Variants in EPOR observed in about 807,000 individuals in gnomAD.
The protein encoded by EPOR is erythropoietin receptor.
In EPOR, 20 loss-of-function variants were observed where a neutral mutation model predicts 34.3. The ratio of observed to expected loss-of-function variants is 0.58; its 90% CI spans 0.41 to 0.85. The LOEUF (loss-of-function observed/expected upper bound fraction) is 0.85. Among genes scored for constraint, EPOR ranks in the 40% least tolerant of loss-of-function variants. The pLI is 0.00. For synonymous variants in EPOR, 312 were observed against 299.0 expected (o/e 1.04, Z -0.45); for missense variants, 601 against 672.7 (o/e 0.89, Z 1.18).
At position 11,381,728 on chromosome 19, in the gene EPOR, G is replaced by T. The variant is rs1417089817; in HGVS notation, c.549C>A (p.Asp183Glu). ...PMTSHIRYEV[D>E]VSAGNGAGSV... Reference sequence around the variant, plus strand: ...TCCCTGCGCCGTTGCCGGCCGAGACGTCCACCTCGTAGCGGATGTGAGACG... The same window carrying T: ...TCCCTGCGCCGTTGCCGGCCGAGACTTCCACCTCGTAGCGGATGTGAGACG... The change falls in exon 4 of 8, where the codon GAC becomes GAA. Residue 183 changes from aspartate to glutamate, a missense_variant. By Grantham distance (45) the Asp-to-Glu change is conservative (BLOSUM62 2). Coordinates refer to ENST00000222139, the MANE Select transcript of EPOR (RefSeq NM_000121.4). This position sits in a 1 kb window ranked among gnomAD's most constrained non-coding sequence, Gnocchi z 5.3. 6.2e-7 allele frequency: 1 copy of T among 1,611,994 alleles called. No individual in the cohort carries two copies. Among genetic ancestry groups the T allele is most frequent in the Non-Finnish European group, 8.5e-7 (1 of 1,179,332 alleles).
In EPOR at chr19:11,383,159, G is replaced by A. The variant is rs1394796517; in HGVS notation, c.189C>T (p.Phe63=). The A allele has an allele frequency of 3.1e-6, 5 of 1,613,288 alleles. No individual in the cohort carries two copies. The highest frequency in any genetic ancestry group is 4.2e-6 in the Non-Finnish European group (5 of 1,179,954). ...CCCCAGCGCTCGCCGCTTCCTCCCA[G>A]AAACACACCAAGTCCTCCAACCGCT... The part of the protein sequence containing the change: ...FTERLEDLVC[F]WEEAASAGVG... Residue 63 remains phenylalanine (F), a synonymous_variant, in exon 2 of 8, where the codon TTC becomes TTT. Coordinates refer to ENST00000222139, the MANE Select transcript of EPOR (RefSeq NM_000121.4). This position sits in a 1 kb window ranked among gnomAD's most constrained non-coding sequence, Gnocchi z 4.9.
At chr19:11,382,235 T>C (rs1410901787) in intron 2 of EPOR, 130 bp from the exon 3 acceptor site, 3 of 770,570 alleles carry the variant, frequency 3.9e-6, no homozygotes, top group Non-Finnish European at 6.3e-6. Context: ...AGGTGTTCCT[T>C]CGTCGCCCAG....
chr19:11,378,450 G>A lies in EPOR; in HGVS notation c.1061C>T (p.Pro354Leu), dbSNP rs776446483. ...CTCACTGCCCACTGGCTCCAGCAGG[G>A]GGCCCTCATCATCTGTCCCCGGCTC... ...AVEPGTDDEG[P>L]LLEPVGSEHA... The change falls in exon 8 of 8, where the codon CCC becomes CTC. Residue 354 changes from proline to leucine, a missense_variant. Physicochemically the swap from Pro to Leu is moderately conservative, Grantham distance 98. Coordinates refer to ENST00000222139, the MANE Select transcript of EPOR (RefSeq NM_000121.4). The surrounding 1 kb of genome is among the most constrained non-coding windows in gnomAD (Gnocchi z 5.3). 7 of 1,614,176 alleles carry A rather than the reference G, an allele frequency of 4.3e-6. No individual in the cohort carries two copies. In the South Asian group the frequency reaches 6.6e-5, roughly 15 times the overall value.
rs766231664 is a variant in EPOR at position 11,384,088 on chromosome 19, C to T, written c.115+5G>A. 105 of 1,541,514 alleles carry T rather than the reference C, an allele frequency of 6.8e-5. No individual in the cohort carries two copies. Among genetic ancestry groups the T allele is most frequent in the Non-Finnish European group, 8.3e-5 (94 of 1,138,208 alleles). ...CGTAGGGGTCCACACGCAGCTCATC[C>T]TTACCTTTGCTCTCGAACTTGGGGT... On this transcript the variant is annotated splice_donor_5th_base_variant and intron_variant, in intron 1 of 7. Coordinates refer to ENST00000222139, the MANE Select transcript of EPOR (RefSeq NM_000121.4).
At position 11,382,064 on chromosome 19, in the gene EPOR, G is replaced by A; in HGVS notation, c.293C>T (p.Thr98Met). ...CCAGAAGCGCACCGCACCACGAGCCGTGGGAGCCTGGTGCAGGCGACACAG... is the reference window on the plus strand; with the variant it reads ...CCAGAAGCGCACCGCACCACGAGCCATGGGAGCCTGGTGCAGGCGACACAG... Reference protein sequence around the residue: ...WKLCRLHQAPTARGAVRFWCS... With the variant: ...WKLCRLHQAPMARGAVRFWCS... Residue 98 changes from threonine (T) to methionine (M), a missense_variant, in exon 3 of 8, where the codon ACG (threonine) becomes ATG (methionine). By Grantham distance (81) the Thr-to-Met change is moderately conservative. Coordinates refer to ENST00000222139, the MANE Select transcript of EPOR (RefSeq NM_000121.4). 6.2e-7 allele frequency: 1 copy of A among 1,614,122 alleles called. No individual in the cohort carries two copies. Among genetic ancestry groups the A allele is most frequent in the Non-Finnish European group, 8.5e-7 (1 of 1,179,998 alleles).
rs374237735 is a variant in EPOR, at chr19:11,383,131, C to T, written c.217G>A (p.Gly73Ser). 8 of 1,613,568 alleles carry T rather than the reference C, an allele frequency of 5.0e-6. No homozygotes were observed. Among genetic ancestry groups the T allele is most frequent in the Non-Finnish European group, 6.8e-6 (8 of 1,179,952 alleles). ...FWEEAASAGV[G>S]PGNYSFSYQL... ...TAGGAGAAGCTGTAGTTGCCCGGGCCCACCCCAGCGCTCGCCGCTTCCTCC... is the reference window on the plus strand; with the variant it reads ...TAGGAGAAGCTGTAGTTGCCCGGGCTCACCCCAGCGCTCGCCGCTTCCTCC... The change falls in exon 2 of 8, where the codon GGC becomes AGC. Residue 73 changes from glycine to serine, a missense_variant. Transcript: ENST00000222139. The surrounding 1 kb of genome is among the most constrained non-coding windows in gnomAD (Gnocchi z 4.9).
rs1159122694 is a variant in EPOR at position 11,381,375 on chromosome 19, CAGAG to C, written c.586-170_586-167del. 16 of 780,064 alleles carry C rather than the reference CAGAG, an allele frequency of 2.1e-5. No homozygotes were observed. Among genetic ancestry groups the C allele is most frequent in the African/African-American group, 3.4e-5 (2 of 58,126 alleles). 48.3% of individuals were successfully genotyped at this position (780,064 alleles called of 1,614,324 possible). Reference sequence around the variant, plus strand: ...GAGCCCAAGAAAGCTCAGGGCCAATCAGAGAGAGAGTCTCTGGTACGAAAGGGCG... The same window carrying C: ...GAGCCCAAGAAAGCTCAGGGCCAATCAGAGAGTCTCTGGTACGAAAGGGCG... On this transcript the variant is annotated intron_variant, in intron 4 of 7. Coordinates refer to ENST00000222139, the MANE Select transcript of EPOR (RefSeq NM_000121.4). This position sits in a 1 kb window ranked among gnomAD's most constrained non-coding sequence, Gnocchi z 5.3.
At position 11,378,083 on chromosome 19, in the gene EPOR, G is replaced by A. The variant is rs141096553; in HGVS notation, c.1428C>T (p.Ala476=). ...TDYSSGDSQG[A]QGGLSDGPYS... ...AGGGGCCATCGGATAAGCCCCCTTG[G>A]GCTCCCTGGGAGTCCCCTGAGCTGT... is the stretch of plus-strand genomic sequence containing the variant. The change falls in exon 8 of 8, where the codon GCC becomes GCT. Residue 476 remains alanine, a synonymous_variant. Transcript: ENST00000222139. This position sits in a 1 kb window ranked among gnomAD's most constrained non-coding sequence, Gnocchi z 5.3. The A allele has an allele frequency of 2.8e-5, 45 of 1,613,882 alleles. No homozygotes were observed. The African/African-American group carries it at 5.7e-4, about 21-fold the overall frequency.
chr19:11,382,611 C>T (rs1368473958), intron 2 of EPOR, among the ~76,000 whole-genome samples: 1 of 152,184 alleles, frequency 6.6e-6, no homozygotes. Flanking sequence ...GATCCGCCCG[C>T]CTCAGCCTCC....
At position 11,378,557 on chromosome 19, in the gene EPOR, G is replaced by T. The variant is rs1343746653; in HGVS notation, c.954C>A (p.Ser318Arg). 1 of 1,614,058 alleles carries T rather than the reference G, an allele frequency of 6.2e-7. No homozygotes were observed. Residue 318 changes from serine to arginine, a missense_variant, in exon 8 of 8, where the codon AGC (serine) becomes AGA (arginine). Coordinates refer to ENST00000222139, the MANE Select transcript of EPOR (RefSeq NM_000121.4). The surrounding 1 kb of genome is among the most constrained non-coding windows in gnomAD (Gnocchi z 5.3). ...LYQNDGCLWW[S>R]PCTPFTEDPP... ...GGTCCTCCGTGAAGGGGGTGCAGGG[G>T]CTCCACCACAGGCAGCCATCATTCT... is the stretch of plus-strand genomic sequence containing the variant.
At chr19:11,382,859 G>A (rs1338942192) in intron 2 of EPOR, 5 of 1,505,864 alleles carry the variant, frequency 3.3e-6, no homozygotes, top group Non-Finnish European at 4.4e-6. Flanking sequence ...TCGATTTGGA[G>A]GCGTTGTTAT....
At position 11,377,376 on chromosome 19, in the gene EPOR, C is replaced by T. The variant is rs1003429180; in HGVS notation, c.*608G>A. On this transcript the variant is annotated 3_prime_UTR_variant, in exon 8 of 8. Transcript: ENST00000222139. ...AGGTGTGAGAAGAAGAGAGGAAGCC[C>T]ATTTCCAGGCCAGATCCCTCAAATG... The T allele has an allele frequency of 8.8e-6, 4 of 454,030 alleles. No homozygotes were observed. The highest frequency in any genetic ancestry group is 2.4e-5 in the Admixed American group (1 of 42,550). The allele number at this position is 454,030 out of a possible 1,614,324, so 28.1% of individuals were successfully genotyped here. A position where few individuals can be genotyped will look rare whatever the true frequency, so the allele number is the denominator to read the frequency against.
rs759920612 is a variant in EPOR, at chr19:11,381,032, C to T, written c.739+24G>A. On this transcript the variant is annotated intron_variant, in intron 5 of 7. Transcript: ENST00000222139. The surrounding 1 kb of genome is among the most constrained non-coding windows in gnomAD (Gnocchi z 5.3). ...GCCCCGTGATTCGCCCTGGCTCCTC[C>T]TACACCCCCGCCTGGGGCCTCACCG... is the stretch of plus-strand genomic sequence containing the variant. 1.3e-6 allele frequency: 2 copies of T among 1,587,492 alleles called. No individual in the cohort carries two copies. The highest frequency in any genetic ancestry group is 1.3e-5 in the African/African-American group (1 of 74,432).
rs922886026 is a variant in EPOR, at chr19:11,381,540, C to T, written c.585+152G>A. 4 of 807,122 alleles carry T rather than the reference C, an allele frequency of 5.0e-6. No homozygotes were observed. The African/African-American group carries it at 6.9e-5, about 14-fold the overall frequency. The allele number at this position is 807,122 out of a possible 1,614,324, so 50.0% of individuals were successfully genotyped here. ...GAGGACATTAGGAAAGGGGGTGTGT[C>T]TGTGGGCGTGGAACGGTCTTCAGCA... is the stretch of plus-strand genomic sequence containing the variant. On this transcript the variant is annotated intron_variant, in intron 4 of 7. Coordinates refer to ENST00000222139, the MANE Select transcript of EPOR (RefSeq NM_000121.4). The surrounding 1 kb of genome is among the most constrained non-coding windows in gnomAD (Gnocchi z 5.3).
At position 11,381,455 on chromosome 19, in the gene EPOR, G is replaced by C. The variant is rs1476423393; in HGVS notation, c.585+237C>G. 1 of 666,322 alleles carries C rather than the reference G, an allele frequency of 1.5e-6. No homozygotes were observed. Among genetic ancestry groups the C allele is most frequent in the Non-Finnish European group, 2.5e-6 (1 of 395,180 alleles). 41.3% of individuals were successfully genotyped at this position (666,322 alleles called of 1,614,324 possible). A position where few individuals can be genotyped will look rare whatever the true frequency, so the allele number is the denominator to read the frequency against. ...CTAGCACTCGTAGAGGGACCCGGGC[G>C]CTAAAGGGGTCTAGGGTTACGGGCC... is the stretch of plus-strand genomic sequence containing the variant. On this transcript the variant is annotated intron_variant, in intron 4 of 7. Coordinates refer to ENST00000222139, the MANE Select transcript of EPOR (RefSeq NM_000121.4). The surrounding 1 kb of genome is among the most constrained non-coding windows in gnomAD (Gnocchi z 5.3).
At position 11,383,211 on chromosome 19, in the gene EPOR, C is replaced by T. The variant is rs45516306; in HGVS notation, c.137G>A (p.Gly46Glu). ...GGTGAAGCACAGAAGCTCTTCGGGC[C>T]CCCGGGCCGCCAGCAAGGCCGCTGG... ...ESKAALLAAR[G>E]PEELLCFTER... Residue 46 changes from glycine (G) to glutamate (E), a missense_variant, in exon 2 of 8, where the codon GGG (glycine) becomes GAG (glutamate). Transcript: ENST00000222139. The surrounding 1 kb of genome is among the most constrained non-coding windows in gnomAD (Gnocchi z 4.9). 6.9e-3 allele frequency: 11,075 copies of T among 1,602,988 alleles called. 63 individuals carry two copies. Among genetic ancestry groups the T allele is most frequent in the South Asian group, 0.011 (1,043 of 90,860 alleles).
In EPOR at chr19:11,380,393, A is replaced by G. The variant is rs115946094; in HGVS notation, c.827+491T>C. ...GAACAGGGCCATGAAAGACGACTAG[A>G]AGATTGCTTAGCAGACAAGGCAGGA... On this transcript the variant is annotated intron_variant, in intron 6 of 7. Transcript: ENST00000222139. Among the ~76,000 whole-genome samples, 252 of 152,300 alleles carry G rather than the reference A, an allele frequency of 1.7e-3. 3 individuals carry two copies. Among genetic ancestry groups the G allele is most frequent in the African/African-American group, 5.9e-3 (247 of 41,568 alleles).
Position 11,381,966 on chromosome 19 carries a change from G to A in EPOR, c.391C>T (p.Pro131Ser). ...ATGTGGATGACACGGTGATATCGCG[G>A]AGCGCCGGAGGCTGCTGTGACGCGC... ...ELRVTAASGA[P>S]RYHRVIHINE... is the part of the protein sequence containing the mutation. The change falls in exon 3 of 8, where the codon CCG becomes TCG. Residue 131 changes from proline (P) to serine (S), a missense_variant. Coordinates refer to ENST00000222139, the MANE Select transcript of EPOR (RefSeq NM_000121.4). The surrounding 1 kb of genome is among the most constrained non-coding windows in gnomAD (Gnocchi z 5.3). 6.2e-7 allele frequency: 1 copy of A among 1,614,210 alleles called. No individual in the cohort carries two copies. The highest frequency in any genetic ancestry group is 8.5e-7 in the Non-Finnish European group (1 of 1,180,020).
At position 11,378,164 on chromosome 19, in the gene EPOR, T is replaced by C. The variant is rs1221941895; in HGVS notation, c.1347A>G (p.Pro449=). The part of the protein sequence containing the change: ...WTLCPELPPT[P]PHLKYLYLVV... ...CAAGGTACAGGTACTTTAGGTGGGG[T>C]GGGGTAGGGGGCAGCTCAGGGCACA... Residue 449 remains proline, a synonymous_variant, in exon 8 of 8, where the codon CCA becomes CCG. Transcript: ENST00000222139. This position sits in a 1 kb window ranked among gnomAD's most constrained non-coding sequence, Gnocchi z 5.3. 1.9e-6 allele frequency: 3 copies of C among 1,613,576 alleles called. No homozygotes were observed. The African/African-American group carries it at 4.0e-5, about 22-fold the overall frequency.
Sources: gnomAD v4.1 joint callset for allele counts (sites outside exome capture counted in the v4.1 genomes callset) on GRCh38, gnomAD v4.1.1 for gene constraint, Gnocchi (gnomAD v3.1) non-coding constraint, MANE v1.5 for transcripts, NCBI Gene and HGNC (gene_info 2026-07-23, HGNC 2026-07-21) for gene names.